Variants in GRIK2 observed in about 807,000 individuals in gnomAD.
GRIK2 encodes glutamate receptor ionotropic, kainate 2.
Under a neutral mutation model 100.3 loss-of-function variants are expected in GRIK2, and 32 were observed. That is an observed-to-expected ratio of 0.32 (90% CI 0.24 to 0.43). GRIK2 has a LOEUF of 0.43. Ranked by LOEUF, GRIK2 falls within the 20% of genes least tolerant of loss-of-function variation. GRIK2 has a pLI of 1.00. For synonymous variants in GRIK2, 417 were observed against 389.4 expected (o/e 1.07, Z -0.83); for missense variants, 843 against 1,114.9 (o/e 0.76, Z 3.47).
At chr6:101,561,628 T>C (rs1777018821) in intron 2 of GRIK2, among the ~76,000 whole-genome samples, 1 of 151,994 alleles carries the variant, frequency 6.6e-6, no homozygotes, top group African/African-American at 2.4e-5. Flanking sequence ...TGTGGGCAAC[T>C]ATTATATATC....
intron 2 of GRIK2, among the ~76,000 whole-genome samples, chr6:101,410,733 G>A (rs966496094): frequency 1.3e-5 from 2 of 151,988 alleles, no homozygotes; most frequent in Admixed American, 6.6e-5. Context: ...CAAAATCCCA[G>A]CGACATGCAA....
At chr6:101,405,478 T>C (rs1465789093) in intron 2 of GRIK2, among the ~76,000 whole-genome samples, 1 of 152,210 alleles carries the variant, frequency 6.6e-6, no homozygotes, top group Non-Finnish European at 1.5e-5. Flanking sequence ...TTGACTTTTC[T>C]TTTAAAATTT....
intron 2 of GRIK2, among the ~76,000 whole-genome samples, chr6:101,531,550 T>A (rs907683381): frequency 6.6e-6 from 1 of 151,870 alleles, no homozygotes; most frequent in Non-Finnish European, 1.5e-5. Context: ...GCTTGAGATA[T>A]CCACCTATGT....
chr6:101,731,967 G>A (rs147502574), intron 7 of GRIK2, among the ~76,000 whole-genome samples: 170 of 152,074 alleles, frequency 1.1e-3, no homozygotes, highest in African/African-American at 3.9e-3. Flanking sequence ...AAAACCTAGA[G>A]AACCATAATA....
intron 10 of GRIK2, among the ~76,000 whole-genome samples, chr6:101,848,886 T>C (rs1783955841): frequency 6.6e-6 from 1 of 152,084 alleles, no homozygotes; most frequent in South Asian, 2.1e-4. Flanking sequence ...TTATCTTTGC[T>C]GAAAATCTTC....
At chr6:101,615,214 A>G (rs934537284) in intron 2 of GRIK2, among the ~76,000 whole-genome samples, 2 of 151,782 alleles carry the variant, frequency 1.3e-5, no homozygotes, top group African/African-American at 4.8e-5. Flanking sequence ...GCTTGGAAAA[A>G]GAATTGCGGG....
intron 2 of GRIK2, among the ~76,000 whole-genome samples, chr6:101,417,083 C>A (rs1227195651): frequency 6.6e-6 from 1 of 152,190 alleles, no homozygotes; most frequent in African/African-American, 2.4e-5. Flanking sequence ...GGAGGCCTCA[C>A]AATCATGGCG....
At chr6:101,515,106 C>T (rs979933338) in intron 2 of GRIK2, among the ~76,000 whole-genome samples, 5 of 152,070 alleles carry the variant, frequency 3.3e-5, no homozygotes, top group East Asian at 1.9e-4. Context: ...GCCTTTGCAT[C>T]CTCATAGCTT....
At chr6:101,604,841 C>T (rs76076219) in intron 2 of GRIK2, among the ~76,000 whole-genome samples, 219 of 151,994 alleles carry the variant, frequency 1.4e-3, no homozygotes, top group South Asian at 2.9e-3. Flanking sequence ...TGACTAGCTT[C>T]CCTTTTTAGG....
rs150156844 is a variant in GRIK2 at position 101,958,253 on chromosome 6, T to TTCTGTGTGTGTGTGTGTGTG, written c.2085+29622_2085+29623insCTGTGTGTGTGTGTGTGTGT. On this transcript the variant is annotated intron_variant, in intron 14 of 16. Coordinates refer to ENST00000369134, the MANE Select transcript of GRIK2 (RefSeq NM_021956.5). ...CTTGTTTAAATGTATTGCTACATAT[T>TTCTGTGTGTGTGTGTGTGTG]TGTGTGTGTGTGTGTGTGTGTGTGT... Among the ~76,000 whole-genome samples the TTCTGTGTGTGTGTGTGTGTG allele has an allele frequency of 6.2e-3, 871 of 139,516 alleles. 17 individuals carry two copies. Among genetic ancestry groups the TTCTGTGTGTGTGTGTGTGTG allele is most frequent in the African/African-American group, 0.021 (799 of 38,076 alleles). 91.5% of individuals were successfully genotyped at this position (139,516 alleles called of 152,430 possible).
At chr6:101,445,656 A>G (rs770342316) in intron 2 of GRIK2, among the ~76,000 whole-genome samples, 1 of 152,076 alleles carries the variant, frequency 6.6e-6, no homozygotes, top group African/African-American at 2.4e-5. Context: ...TGGGCAAACA[A>G]ATTCTGTTAA....
chr6:101,542,163 G>A (rs1191278353), intron 2 of GRIK2, among the ~76,000 whole-genome samples: 1 of 151,772 alleles, frequency 6.6e-6, no homozygotes, highest in Non-Finnish European at 1.5e-5. Flanking sequence ...ATCCTTTAAA[G>A]CTTTTATGAA....
At chr6:102,043,039 T>C (rs1770678560) in intron 15 of GRIK2, among the ~76,000 whole-genome samples, 1 of 151,722 alleles carries the variant, frequency 6.6e-6, no homozygotes, top group African/African-American at 2.4e-5. Context: ...GAATTCTTCA[T>C]TGATACATTT....
At chr6:102,011,788 A>G (rs1424280109) in intron 14 of GRIK2, among the ~76,000 whole-genome samples, 2 of 151,704 alleles carry the variant, frequency 1.3e-5, no homozygotes, top group East Asian at 2.0e-4. Flanking sequence ...GGGTTTCACC[A>G]TGTTAGCCAG....
intron 14 of GRIK2, among the ~76,000 whole-genome samples, chr6:101,987,577 C>T (rs1794087584): frequency 6.6e-6 from 1 of 150,964 alleles, no homozygotes; most frequent in Non-Finnish European, 1.5e-5. Flanking sequence ...CTATTAATGA[C>T]ATCCTATTAA....
intron 7 of GRIK2, among the ~76,000 whole-genome samples, chr6:101,782,952 G>T (rs552253211): frequency 6.6e-6 from 1 of 151,352 alleles, no homozygotes; most frequent in Non-Finnish European, 1.5e-5. Context: ...CGCCTCCCGG[G>T]TTCACACCAT....
At chr6:101,922,088 C>CTAACTTTCTCCAT in intron 12 of GRIK2, among the ~76,000 whole-genome samples, 1 of 38,396 alleles carries the variant, frequency 2.6e-5, no homozygotes, top group South Asian at 1.0e-3. Context: ...TCCTTCCTTC[C>CTAACTTTCTCCAT]TTCCTTCCTT....
At chr6:101,506,372 A>G (rs1398926545) in intron 2 of GRIK2, among the ~76,000 whole-genome samples, 1 of 152,176 alleles carries the variant, frequency 6.6e-6, no homozygotes, top group African/African-American at 2.4e-5. Context: ...TAATCCTTTA[A>G]TATAATATTG....
chr6:102,041,543 T>G (rs1427692372), intron 15 of GRIK2, among the ~76,000 whole-genome samples: 2 of 151,506 alleles, frequency 1.3e-5, no homozygotes, highest in Admixed American at 1.3e-4. Context: ...TCATAGCATG[T>G]TGCATGGAGT....
Sources: allele counts gnomAD v4.1 joint callset (sites outside exome capture counted in the v4.1 genomes callset), GRCh38; gene constraint gnomAD v4.1.1; transcripts MANE v1.5; gene names NCBI Gene and HGNC (gene_info 2026-07-23, HGNC 2026-07-21).